TGIF1: variants seen among roughly 807,000 people sequenced by gnomAD.
TGIF1 encodes the protein homeobox protein TGIF1.
A neutral mutation model predicts 19.3 loss-of-function variants in TGIF1; 4 were observed. That is an observed-to-expected ratio of 0.21 (90% CI 0.10 to 0.47). TGIF1 has a LOEUF of 0.47. Ranked by LOEUF, TGIF1 falls within the 20% of genes least tolerant of loss-of-function variation. TGIF1 has a pLI of 0.98. For synonymous variants in TGIF1, 122 were observed against 129.3 expected (o/e 0.94, Z 0.38); for missense variants, 275 against 341.4 (o/e 0.81, Z 1.53).
At chr18:3,439,972 G>A (rs1046819506) in intron 2 of TGIF1, among the ~76,000 whole-genome samples, 1 of 150,940 alleles carries the variant, frequency 6.6e-6, no homozygotes, top group Non-Finnish European at 1.5e-5. Context: ...AGTGAGCCAA[G>A]ATCGAACCAC....
rs534511588 is a variant in TGIF1, at chr18:3,439,863, A to T, written c.-44-16491A>T. Reference sequence around the variant, plus strand: ...TAGTGAAACCCGGTCTCTAAAAAAAATACAAAAATCAGCCAGGCGTTGTCG... The same window carrying T: ...TAGTGAAACCCGGTCTCTAAAAAAATTACAAAAATCAGCCAGGCGTTGTCG... On this transcript the variant is annotated intron_variant, in intron 2 of 3. Coordinates refer to the TGIF1 transcript ENST00000401449. Among the ~76,000 whole-genome samples the T allele has an allele frequency of 3.2e-4, 49 of 151,968 alleles. No homozygotes were observed. The South Asian group carries it at 0.01, about 32-fold the overall frequency.
intron 1 of TGIF1, among the ~76,000 whole-genome samples, chr18:3,417,518 A>G (rs1408773914): frequency 2.0e-5 from 3 of 152,232 alleles, no homozygotes; most frequent in African/African-American, 7.2e-5. Context: ...GGAAACGTTC[A>G]TGATACACTG....
intron 2 of TGIF1, among the ~76,000 whole-genome samples, chr18:3,443,544 G>A (rs1247983585): frequency 3.3e-5 from 5 of 151,960 alleles, no homozygotes; most frequent in South Asian, 2.1e-4. Flanking sequence ...TGTATACCAC[G>A]AAGCCCAGCC....
At chr18:3,422,479 GTTAAT>G (rs2082413246) in intron 2 of TGIF1, among the ~76,000 whole-genome samples, 2 of 151,258 alleles carry the variant, frequency 1.3e-5, no homozygotes, top group Admixed American at 1.3e-4. Context: ...GTAAGGTAAA[GTTAAT>G]TTATTATTGA....
intron 2 of TGIF1, among the ~76,000 whole-genome samples, chr18:3,441,375 T>C (rs2082676382): frequency 6.6e-6 from 1 of 152,246 alleles, no homozygotes; most frequent in Non-Finnish European, 1.5e-5. Context: ...ATCATACATT[T>C]ACTCATGCTT....
intron 2 of TGIF1, among the ~76,000 whole-genome samples, chr18:3,442,359 C>A (rs2082686270): frequency 6.6e-6 from 1 of 151,994 alleles, no homozygotes; most frequent in Admixed American, 6.6e-5. Context: ...AAAACTGGTA[C>A]AGTATTCTGA....
chr18:3,449,641 G>A (rs2082836739), upstream of TGIF1: 38 of 980,584 alleles, frequency 3.9e-5, no homozygotes, highest in Non-Finnish European at 4.5e-5. Flanking sequence ...AATGGCAGCC[G>A]CGCATTCTGG....
Position 3,451,548 on chromosome 18 carries a change from G to C in TGIF1, c.16+1043G>C. On this transcript the variant is annotated intron_variant, in intron 1 of 2. Transcript: ENST00000343820. This position sits in a 1 kb window ranked among gnomAD's most constrained non-coding sequence, Gnocchi z 5.4. The stretch of plus-strand genomic sequence containing the variant: ...CACTCGGGAAGCGGACGGGAGGGGC[G>C]GCGCTACTGCGCATGCCCGGGAGCC... 9.9e-7 allele frequency: 1 copy of C among 1,011,462 alleles called. No individual in the cohort carries two copies. The highest frequency in any genetic ancestry group is 1.2e-6 in the Non-Finnish European group (1 of 847,974). 62.7% of individuals were successfully genotyped at this position (1,011,462 alleles called of 1,614,324 possible).
rs1031626744 is a variant in TGIF1 at position 3,457,242 on chromosome 18, T to C, written c.244-123T>C. The C allele has an allele frequency of 2.8e-6, 3 of 1,089,918 alleles. No individual in the cohort carries two copies. Among genetic ancestry groups the C allele is most frequent in the Admixed American group, 2.0e-5 (1 of 49,776 alleles). The allele number at this position is 1,089,918 out of a possible 1,614,324, so 67.5% of individuals were successfully genotyped here. A position where few individuals can be genotyped will look rare whatever the true frequency, so the allele number is the denominator to read the frequency against. On this transcript the variant is annotated intron_variant, in intron 2 of 2. Transcript: ENST00000343820. This position sits in a 1 kb window ranked among gnomAD's most constrained non-coding sequence, Gnocchi z 4.9. Reference sequence around the variant, plus strand: ...CTTGAAATAACATTGTAAATTCAGATAAGGCTTTTCATGCTTTCTTTAATT... The same window carrying C: ...CTTGAAATAACATTGTAAATTCAGACAAGGCTTTTCATGCTTTCTTTAATT...
At position 3,457,741 on chromosome 18, in the gene TGIF1, A is replaced by G. The variant is rs140538911; in HGVS notation, c.620A>G (p.Asn207Ser). 42 of 1,614,206 alleles carry G rather than the reference A, an allele frequency of 2.6e-5. 2 individuals are homozygous for G. The African/African-American group carries it at 4.9e-4, about 19-fold the overall frequency. Residue 207 changes from asparagine to serine, a missense_variant, in exon 3 of 3, where the codon AAC becomes AGC. Physicochemically the swap from Asn to Ser is conservative, Grantham distance 46. Coordinates refer to ENST00000343820, the MANE Select transcript of TGIF1 (RefSeq NM_003244.4). This position sits in a 1 kb window ranked among gnomAD's most constrained non-coding sequence, Gnocchi z 4.9. ...NTDIQQIAAK[N>S]FTDTSLMYPE... ...GATATACAGCAGATAGCGGCCAAAA[A>G]CTTCACAGACACCTCTCTCATGTAC... is the stretch of plus-strand genomic sequence containing the variant.
At chr18:3,449,950 G>T, upstream of TGIF1, 2 of 986,800 alleles carry the variant, frequency 2.0e-6, no homozygotes, top group Non-Finnish European at 2.4e-6. Flanking sequence ...CGGGCGGTCC[G>T]TGCGCGGCAG....
intron 1 of TGIF1, among the ~76,000 whole-genome samples, chr18:3,454,450 A>G (rs1332486884): frequency 6.6e-6 from 1 of 152,214 alleles, no homozygotes; most frequent in African/African-American, 2.4e-5. Flanking sequence ...AGTTTAAACA[A>G]ATTGCTTTAT....
chr18:3,449,913 G>A (rs1212017604), upstream of TGIF1: 6 of 985,908 alleles, frequency 6.1e-6, no homozygotes, highest in East Asian at 6.8e-4. Context: ...GCGCTCGGCT[G>A]GTGCCCCCAC....
chr18:3,456,869 T>G lies in TGIF1; in HGVS notation c.243+289T>G. On this transcript the variant is annotated intron_variant, in intron 2 of 2. Transcript: ENST00000343820. This position sits in a 1 kb window ranked among gnomAD's most constrained non-coding sequence, Gnocchi z 4.2. ...CTTACTCTATTGTCCAGGAAACTGG[T>G]TTGATATTTAAACAAGGACGACTTC... 1.7e-6 allele frequency: 1 copy of G among 604,052 alleles called. No homozygotes were observed. Among genetic ancestry groups the G allele is most frequent in the African/African-American group, 1.8e-5 (1 of 54,056 alleles). 37.4% of individuals were successfully genotyped at this position (604,052 alleles called of 1,614,324 possible). A position where few individuals can be genotyped will look rare whatever the true frequency, so the allele number is the denominator to read the frequency against.
At chr18:3,412,289 G>C (rs1483365310) in intron 1 of TGIF1, 1 of 152,210 alleles carries the variant, frequency 6.6e-6, no homozygotes, top group Non-Finnish European at 1.5e-5. Flanking sequence ...TCAAGGAAGA[G>C]GAAGAGGAGA....
chr18:3,433,595 T>C (rs2082578738), intron 2 of TGIF1, among the ~76,000 whole-genome samples: 3 of 152,142 alleles, frequency 2.0e-5, no homozygotes, highest in African/African-American at 7.2e-5. Context: ...CATGTTAGAA[T>C]GAACTAGAAT....
chr18:3,413,729 T>A (rs990831058), intron 1 of TGIF1, among the ~76,000 whole-genome samples: 1 of 152,154 alleles, frequency 6.6e-6, no homozygotes, highest in Non-Finnish European at 1.5e-5. Context: ...TAAAAAAAAA[T>A]TTTTTTCTGA....
upstream of TGIF1, chr18:3,449,872 C>T (rs1040586757): frequency 9.1e-6 from 9 of 985,524 alleles, no homozygotes; most frequent in Non-Finnish European, 1.1e-5. Flanking sequence ...TCGCCAGCCC[C>T]GGGAAGAAAG....
chr18:3,437,557 T>C (rs750063826), intron 2 of TGIF1, among the ~76,000 whole-genome samples: 9 of 152,160 alleles, frequency 5.9e-5, no homozygotes, highest in East Asian at 1.9e-4. Flanking sequence ...AAAGTGTATA[T>C]TGAAGTTATA....
Sources: gnomAD v4.1 joint callset for allele counts (sites outside exome capture counted in the v4.1 genomes callset) on GRCh38, gnomAD v4.1.1 for gene constraint, Gnocchi (gnomAD v3.1) non-coding constraint, MANE v1.5 for transcripts, NCBI Gene and HGNC (gene_info 2026-07-23, HGNC 2026-07-21) for gene names.